SH3D21: variants seen among roughly 807,000 people sequenced by gnomAD.
SH3D21 encodes manchette microtubule inner protein 1, also known as SH3 domain-containing protein 21.
Under a neutral mutation model 82.1 loss-of-function variants are expected in SH3D21, and 83 were observed. That is an observed-to-expected ratio of 1.01 (90% CI 0.85 to 1.21). The LOEUF (loss-of-function observed/expected upper bound fraction) is 1.21. Among genes scored for constraint, SH3D21 ranks in the 50% most tolerant of loss-of-function variants. SH3D21 has a pLI of 0.00. For synonymous variants in SH3D21, 383 were observed against 387.8 expected (o/e 0.99, Z 0.15); for missense variants, 980 against 962.1 (o/e 1.02, Z -0.25).
downstream of SH3D21, among the ~76,000 whole-genome samples, chr1:36,325,079 A>G (rs1646528714): frequency 6.6e-6 from 1 of 152,176 alleles, no homozygotes; most frequent in Admixed American, 6.5e-5. Flanking sequence ...TCTGTCACCC[A>G]GGCTGGAGTA....
downstream of SH3D21, among the ~76,000 whole-genome samples, chr1:36,325,232 A>G (rs1198017736): frequency 2.6e-5 from 4 of 151,712 alleles, no homozygotes; most frequent in Non-Finnish European, 5.9e-5. Context: ...GGGTTTTGCC[A>G]TGTTGCCCAG....
chr1:36,314,406 A>T (rs1570389634), intron 10 of SH3D21, among the ~76,000 whole-genome samples: 1 of 151,696 alleles, frequency 6.6e-6, no homozygotes, highest in East Asian at 1.9e-4. Context: ...TCTAGATAAA[A>T]GTCCCTAATC....
chr1:36,323,050 G>A, downstream of SH3D21: 6 of 1,598,134 alleles, frequency 3.8e-6, no homozygotes, highest in Non-Finnish European at 3.4e-6. Flanking sequence ...TGCTCTGGGG[G>A]GCAGCTCCCC....
chr1:36,312,827 CAGCCTCCCAAGT>C (rs1279403929), intron 10 of SH3D21, among the ~76,000 whole-genome samples: 1 of 152,214 alleles, frequency 6.6e-6, no homozygotes, highest in Non-Finnish European at 1.5e-5. Context: ...TCTCCTGCTG[CAGCCTCCCAAGT>C]AGCTGGGACT....
Position 36,320,063 on chromosome 1 carries a change from TC to T in SH3D21, c.1403del (p.Pro468LeufsTer15), listed in dbSNP as rs1364398327. ...CTAGAAGCCCCACCTATGGATAAAG[TC>T]CCTAATCCAAAGATGGCCCCTCTGG... ...PALEAPPMDK[V>X]PNPKMAPLGD... On this transcript the variant is annotated frameshift_variant, in exon 14 of 16. Coordinates refer to ENST00000453908, the MANE Select transcript of SH3D21 (RefSeq NM_001162530.2). LOFTEE classifies it high-confidence loss of function. 1.2e-6 allele frequency: 2 copies of T among 1,613,406 alleles called. No homozygotes were observed. Among genetic ancestry groups the T allele is most frequent in the Admixed American group, 1.7e-5 (1 of 59,954 alleles).
At position 36,306,424 on chromosome 1, in the gene SH3D21, G is replaced by A. The variant is rs967436510; in HGVS notation, c.4G>A (p.Glu2Lys). ...TCTGGAGGGCGCCCCGGAAACCATG[G>A]GTAAGTGCGGAGGCTTTGAGGTGGC... M[E>K]VLVLAGYRAQ... is the part of the protein sequence containing the mutation. The change falls in exon 1 of 16, where the codon GAA (glutamate) becomes AAA (lysine). Residue 2 changes from glutamate to lysine, a missense_variant and splice_region_variant. By Grantham distance (56) the Glu-to-Lys change is moderately conservative. Coordinates refer to ENST00000453908, the MANE Select transcript of SH3D21 (RefSeq NM_001162530.2). The surrounding 1 kb of genome is among the most constrained non-coding windows in gnomAD (Gnocchi z 4.5). The A allele has an allele frequency of 5.4e-6, 7 of 1,305,298 alleles. No individual in the cohort carries two copies. The African/African-American group carries it at 1.1e-4, about 20-fold the overall frequency. 80.9% of individuals were successfully genotyped at this position (1,305,298 alleles called of 1,614,324 possible). A position where few individuals can be genotyped will look rare whatever the true frequency, so the allele number is the denominator to read the frequency against.
downstream of SH3D21, among the ~76,000 whole-genome samples, chr1:36,327,470 CTCT>C (rs1646556587): frequency 6.6e-6 from 1 of 152,222 alleles, no homozygotes; most frequent in Non-Finnish European, 1.5e-5. Flanking sequence ...ATGTGTGCTC[CTCT>C]ATGTGCAGTC....
Position 36,319,724 on chromosome 1 carries a change from C to T in SH3D21, c.1061C>T (p.Pro354Leu). The T allele has an allele frequency of 6.3e-7, 1 of 1,596,804 alleles. No homozygotes were observed. The highest frequency in any genetic ancestry group is 8.5e-7 in the Non-Finnish European group (1 of 1,173,100). Residue 354 changes from proline to leucine, a missense_variant, in exon 14 of 16, where the codon CCC (proline) becomes CTC (leucine). By Grantham distance (98) the Pro-to-Leu change is moderately conservative. Coordinates refer to ENST00000453908, the MANE Select transcript of SH3D21 (RefSeq NM_001162530.2). Reference protein sequence around the residue: ...PVKAPSVKRTPMPDKTATPER... With the variant: ...PVKAPSVKRTLMPDKTATPER... ...AAGGCCCCCTCTGTGAAGAGAACCC[C>T]CATGCCGGACAAGACTGCCACCCCA...
chr1:36,319,031 G>T (rs1183094658), intron 10 of SH3D21, 40 bp from the exon 11 acceptor site: 2 of 1,231,486 alleles, frequency 1.6e-6, no homozygotes, highest in Middle Eastern at 1.9e-4. Flanking sequence ...CAGGGCTAGC[G>T]ACTGTCAGAT....
At chr1:36,314,925 C>T (rs1197159262) in intron 10 of SH3D21, among the ~76,000 whole-genome samples, 1 of 152,090 alleles carries the variant, frequency 6.6e-6, no homozygotes. Context: ...TTTGCCCTAC[C>T]CTGCAGAACA....
downstream of SH3D21, among the ~76,000 whole-genome samples, chr1:36,325,836 G>A (rs973797877): frequency 5.3e-5 from 8 of 152,184 alleles, no homozygotes; most frequent in Admixed American, 5.2e-4. Context: ...GAGCCACCGC[G>A]CCCAGCCCTG....
chr1:36,321,124 C>T lies in SH3D21; in HGVS notation c.2268C>T (p.Tyr756=), dbSNP rs772845927. ...TCATCCACACGCAGACGCAGACCTA[C>T]TGAGGGTGGGCCTGGGAAGGGACCG... ...PRVIHTQTQT[Y] is the part of the protein sequence containing the mutation. Residue 756 remains tyrosine (Y), a synonymous_variant, in exon 16 of 16, where the codon TAC becomes TAT. Transcript: ENST00000453908. This position sits in a 1 kb window ranked among gnomAD's most constrained non-coding sequence, Gnocchi z 6.1. 6.2e-7 allele frequency: 1 copy of T among 1,610,806 alleles called. No individual in the cohort carries two copies.
chr1:36,308,756 G>A (rs749195830), intron 9 of SH3D21, among the ~76,000 whole-genome samples: 36 of 152,106 alleles, frequency 2.4e-4, no homozygotes, highest in Non-Finnish European at 4.3e-4. Flanking sequence ...AGGCCGAGGC[G>A]GGTGGATCAC....
chr1:36,316,658 G>A (rs966653967), intron 10 of SH3D21, among the ~76,000 whole-genome samples: 3 of 152,192 alleles, frequency 2.0e-5, no homozygotes, highest in Non-Finnish European at 2.9e-5. Flanking sequence ...GTGAGGTGAG[G>A]GAGCAGAGCC....
Position 36,320,312 on chromosome 1 carries a change from T to A in SH3D21, c.1649T>A (p.Met550Lys), listed in dbSNP as rs368154882. 7 of 1,612,626 alleles carry A rather than the reference T, an allele frequency of 4.3e-6. No individual in the cohort carries two copies. In the African/African-American group the frequency reaches 8.0e-5, roughly 18 times the overall value. The change falls in exon 14 of 16, where the codon ATG (methionine) becomes AAG (lysine). Residue 550 changes from methionine to lysine, a missense_variant. Met to Lys is a moderately conservative substitution (Grantham distance 95). Coordinates refer to ENST00000453908, the MANE Select transcript of SH3D21 (RefSeq NM_001162530.2). ...TCCTCAGAGAGGTGCCTGGGAGAGA[T>A]GAAATGTACCCTAGTTAGAGGGGAC... Reference protein sequence around the residue: ...PPSSERCLGEMKCTLVRGDSS... With the variant: ...PPSSERCLGEKKCTLVRGDSS...
rs1417858692 is a variant in SH3D21, at chr1:36,320,731, G to A, written c.2068G>A (p.Val690Ile). 3 of 1,612,016 alleles carry A rather than the reference G, an allele frequency of 1.9e-6. No individual in the cohort carries two copies. The highest frequency in any genetic ancestry group is 1.7e-6 in the Non-Finnish European group (2 of 1,179,038). ...YTENKNEGVD[V>I]TSLRGEVESL... is the part of the protein sequence containing the mutation. The stretch of plus-strand genomic sequence containing the variant: ...GGAAAACAAGAATGAAGGAGTTGAT[G>A]TAACGTCGCTGAGGGGCGAGGTGGA... The change falls in exon 14 of 16, where the codon GTA becomes ATA. Residue 690 changes from valine (V) to isoleucine (I), a missense_variant. Coordinates refer to ENST00000453908, the MANE Select transcript of SH3D21 (RefSeq NM_001162530.2).
chr1:36,312,843 T>C (rs1003899161), intron 10 of SH3D21, among the ~76,000 whole-genome samples: 35 of 152,148 alleles, frequency 2.3e-4, no homozygotes, highest in African/African-American at 7.2e-4. Flanking sequence ...CCCAAGTAGC[T>C]GGGACTACAG....
At chr1:36,321,351 A>C, downstream of SH3D21, 4 of 1,369,006 alleles carry the variant, frequency 2.9e-6, no homozygotes, top group East Asian at 2.8e-5. This position sits in a 1 kb window ranked among gnomAD's most constrained non-coding sequence, Gnocchi z 6.1. Context: ...ACCGTTCCCA[A>C]GGCCTGCGCG....
rs769364660 is a variant in SH3D21 at position 36,320,762 on chromosome 1, TAAG to T, written c.2100_2102del (p.Arg702del). 5.0e-6 allele frequency: 8 copies of T among 1,590,976 alleles called. No homozygotes were observed. The highest frequency in any genetic ancestry group is 6.8e-6 in the Non-Finnish European group (8 of 1,168,486). On this transcript the variant is annotated inframe_deletion, in exon 14 of 16. Transcript: ENST00000453908. ...TCGCTGAGGGGCGAGGTGGAGTCTC[TAAG>T]GAGGGCGCTGGAGCTGATGGAGGTG...
Sources: allele counts gnomAD v4.1 joint callset (sites outside exome capture counted in the v4.1 genomes callset), GRCh38; gene constraint gnomAD v4.1.1; non-coding constraint Gnocchi (gnomAD v3.1); transcripts MANE v1.5; gene names NCBI Gene and HGNC (gene_info 2026-07-23, HGNC 2026-07-21).